TP63: variants seen among roughly 807,000 people sequenced by gnomAD.
TP63 encodes the protein tumor protein 63.
TP63 carries 17 observed loss-of-function variants against 82.8 expected under a neutral mutation model. That is an observed-to-expected ratio of 0.21 (90% CI 0.14 to 0.31). TP63 has a LOEUF of 0.31. TP63 is among the 10% of genes least tolerant of loss of function. TP63 has a pLI of 1.00. For missense variants in TP63, 648 were observed against 895.3 expected, an observed-to-expected ratio of 0.72 and a Z score of 3.52; for synonymous variants, 330 against 321.7, an observed-to-expected ratio of 1.03 and a Z score of -0.28.
intron 3 of TP63, among the ~76,000 whole-genome samples, chr3:189,790,796 G>C (rs1725052748): frequency 6.6e-6 from 1 of 152,090 alleles, no homozygotes; most frequent in African/African-American, 2.4e-5. Flanking sequence ...AAGTGGACTA[G>C]AGTACTCAAA....
intron 10 of TP63, chr3:189,880,218 C>T: frequency 6.2e-7 from 1 of 1,603,032 alleles, no homozygotes; most frequent in Non-Finnish European, 8.5e-7. Flanking sequence ...GTTGTATTTC[C>T]ATGTGTATAT....
At chr3:189,655,631 G>GA (rs1464319625) in intron 1 of TP63, among the ~76,000 whole-genome samples, 1 of 152,052 alleles carries the variant, frequency 6.6e-6, no homozygotes, top group South Asian at 2.1e-4. Flanking sequence ...CAAAAAAAAA[G>GA]AAAAAATAAA....
chr3:189,787,908 C>T (rs571471575), intron 3 of TP63, among the ~76,000 whole-genome samples: 1 of 152,068 alleles, frequency 6.6e-6, no homozygotes, highest in East Asian at 1.9e-4. Context: ...GTCCAGAAAT[C>T]TGTTTTTAAA....
chr3:189,754,842 A>T (rs1722069428), intron 3 of TP63, among the ~76,000 whole-genome samples: 1 of 151,970 alleles, frequency 6.6e-6, no homozygotes. Context: ...TGTTCTTCCT[A>T]TACATTCTCT....
chr3:189,840,626 T>C lies in TP63; in HGVS notation c.580-23606T>C, dbSNP rs183755908. Among the ~76,000 whole-genome samples the C allele has an allele frequency of 1.4e-3, 209 of 151,856 alleles. 1 individual carries two copies. The highest frequency in any genetic ancestry group is 4.9e-3 in the African/African-American group (202 of 41,444). ...CTATAATTCCAGCACTTTGGGAGGCTGAGGTGGGTGGATCACGAGGTCAGA... is the reference window on the plus strand; with the variant it reads ...CTATAATTCCAGCACTTTGGGAGGCCGAGGTGGGTGGATCACGAGGTCAGA... On this transcript the variant is annotated intron_variant, in intron 4 of 13. Transcript: ENST00000264731.
the TP63 span, among the ~76,000 whole-genome samples, chr3:189,613,669 A>C: frequency 6.6e-6 from 1 of 152,256 alleles, no homozygotes; most frequent in Non-Finnish European, 1.5e-5. Context: ...AGTGGCAGAC[A>C]CTCATGAAAG....
At chr3:189,616,947 A>G in the TP63 span, among the ~76,000 whole-genome samples, 20 of 152,316 alleles carry the variant, frequency 1.3e-4, no homozygotes, top group Non-Finnish European at 2.2e-4. Context: ...CACTCAGATT[A>G]TGGACCAGAG....
At chr3:189,723,096 C>A (rs1719513943) in intron 1 of TP63, among the ~76,000 whole-genome samples, 1 of 152,164 alleles carries the variant, frequency 6.6e-6, no homozygotes, top group African/African-American at 2.4e-5. Flanking sequence ...TTCTGTTGAA[C>A]TGTAAAGTGT....
At chr3:189,748,821 G>C (rs1329007771) in intron 3 of TP63, among the ~76,000 whole-genome samples, 1 of 151,914 alleles carries the variant, frequency 6.6e-6, no homozygotes, top group Non-Finnish European at 1.5e-5. Flanking sequence ...GCATGATATT[G>C]GTATAAAAAC....
At chr3:189,663,462 T>C (rs1333378596) in intron 1 of TP63, among the ~76,000 whole-genome samples, 10 of 151,722 alleles carry the variant, frequency 6.6e-5, no homozygotes, top group Non-Finnish European at 1.3e-4. Context: ...TCAGTACAAT[T>C]TCAGGCAAGA....
intron 1 of TP63, among the ~76,000 whole-genome samples, chr3:189,700,687 T>C (rs745995034): frequency 9.2e-5 from 14 of 152,298 alleles, no homozygotes; most frequent in Admixed American, 3.3e-4. Flanking sequence ...GGGTAAACTT[T>C]CCATTTTGAT....
intron 1 of TP63, among the ~76,000 whole-genome samples, chr3:189,722,166 G>A (rs990797140): frequency 1.3e-5 from 2 of 152,156 alleles, no homozygotes; most frequent in Non-Finnish European, 2.9e-5. Flanking sequence ...AAGCTCTCTG[G>A]GGGCCAGATT....
At position 189,895,987 on chromosome 3, in the gene TP63, A is replaced by G; in HGVS notation, c.*1485A>G. The stretch of plus-strand genomic sequence containing the variant: ...AAAGGTCCCCACAGAGCAAGAGATA[A>G]GTCTTTCATGGCTGCTGTTGCTTAA... On this transcript the variant is annotated 3_prime_UTR_variant, in exon 14 of 14. Coordinates refer to ENST00000264731, the MANE Select transcript of TP63 (RefSeq NM_003722.5). 1 of 229,676 alleles carries G rather than the reference A, an allele frequency of 4.4e-6. No individual in the cohort carries two copies. 14.2% of individuals were successfully genotyped at this position (229,676 alleles called of 1,614,324 possible). A position where few individuals can be genotyped will look rare whatever the true frequency, so the allele number is the denominator to read the frequency against.
At chr3:189,864,760 A>G (rs1717488835) in intron 5 of TP63, among the ~76,000 whole-genome samples, 1 of 152,058 alleles carries the variant, frequency 6.6e-6, no homozygotes, top group African/African-American at 2.4e-5. Flanking sequence ...TAATCCCAGC[A>G]CTTTGCGAGG....
At chr3:189,609,660 A>G in the TP63 span, among the ~76,000 whole-genome samples, 1 of 152,080 alleles carries the variant, frequency 6.6e-6, no homozygotes, top group Admixed American at 6.6e-5. Context: ...GCATTAGTTT[A>G]CTAAGGATAA....
intron 1 of TP63, among the ~76,000 whole-genome samples, chr3:189,708,291 G>A (rs1718346747): frequency 6.6e-6 from 1 of 152,154 alleles, no homozygotes; most frequent in Non-Finnish European, 1.5e-5. Context: ...GAAATACACG[G>A]ACTTAAGGAA....
intron 1 of TP63, among the ~76,000 whole-genome samples, chr3:189,665,595 A>G (rs866856952): frequency 3.3e-5 from 5 of 152,260 alleles, no homozygotes; most frequent in South Asian, 2.1e-4. Flanking sequence ...AGCAGGAAGA[A>G]GAGTGAATCC....
chr3:189,694,892 A>G (rs974532583), intron 1 of TP63, among the ~76,000 whole-genome samples: 1 of 128,700 alleles, frequency 7.8e-6, no homozygotes, highest in East Asian at 2.6e-4. Context: ...TGCAACCTCC[A>G]ACTCCTGGTT....
chr3:189,740,522 C>G (rs1169622197), intron 3 of TP63, among the ~76,000 whole-genome samples: 1 of 144,116 alleles, frequency 6.9e-6, no homozygotes, highest in African/African-American at 2.8e-5. Context: ...TTTTTATGAG[C>G]AGGGTCTCCC....
Sources: gnomAD v4.1 joint callset for allele counts (sites outside exome capture counted in the v4.1 genomes callset) on GRCh38, gnomAD v4.1.1 for gene constraint, MANE v1.5 for transcripts, NCBI Gene and HGNC (gene_info 2026-07-23, HGNC 2026-07-21) for gene names.